RRBP1: variants seen among roughly 807,000 people sequenced by gnomAD.
RRBP1 encodes ribosome binding protein 1.
Under a neutral mutation model 165.2 loss-of-function variants are expected in RRBP1, and 94 were observed. The ratio of observed to expected loss-of-function variants is 0.57; its 90% CI spans 0.48 to 0.68. The LOEUF (loss-of-function observed/expected upper bound fraction) is 0.68, where lower values mean the gene tolerates loss of function less well. RRBP1 is among the 30% of genes least tolerant of loss of function. RRBP1 has a pLI of 0.00. For missense variants in RRBP1, 1,676 were observed against 1,763.0 expected, an observed-to-expected ratio of 0.95 and a Z score of 0.88; for synonymous variants, 680 against 714.5, an observed-to-expected ratio of 0.95 and a Z score of 0.77.
intron 5 of RRBP1, 61 bp downstream of exon 5, chr20:17,641,736 G>C: frequency 1.3e-6 from 2 of 1,597,770 alleles, no homozygotes; most frequent in Non-Finnish European, 1.7e-6. Flanking sequence ...ACCGTGGATG[G>C]GGCGGGGGTC....
chr20:17,624,871 G>A (rs1479203961), intron 12 of RRBP1, among the ~76,000 whole-genome samples: 1 of 152,238 alleles, frequency 6.6e-6, no homozygotes, highest in Non-Finnish European at 1.5e-5. Flanking sequence ...CCAGAGGCGG[G>A]CAGCATGGCA....
At chr20:17,626,710 T>C (rs555827384) in intron 11 of RRBP1, among the ~76,000 whole-genome samples, 1 of 152,244 alleles carries the variant, frequency 6.6e-6, no homozygotes, top group Admixed American at 6.5e-5. Context: ...GCCCCAGAAG[T>C]GATGGTCACA....
In RRBP1 at chr20:17,627,257, G is replaced by A. The variant is rs11908682; in HGVS notation, c.2963+91C>T. The A allele has an allele frequency of 7.7e-5, 104 of 1,347,622 alleles. No homozygotes were observed. In the African/African-American group the frequency reaches 1.3e-3, roughly 17 times the overall value. 83.5% of individuals were successfully genotyped at this position (1,347,622 alleles called of 1,614,324 possible). A position where few individuals can be genotyped will look rare whatever the true frequency, so the allele number is the denominator to read the frequency against. On this transcript the variant is annotated intron_variant, in intron 11 of 24. Coordinates refer to ENST00000377813, the MANE Select transcript of RRBP1 (RefSeq NM_001365613.2). Reference sequence around the variant, plus strand: ...AAAGGGGCTCTTCTGCAGAGGACCTGAGCACCCTCCTGAAAACCCTGGCCC... The same window carrying A: ...AAAGGGGCTCTTCTGCAGAGGACCTAAGCACCCTCCTGAAAACCCTGGCCC...
chr20:17,660,205 C>A lies in RRBP1; in HGVS notation c.303G>T (p.Arg101=), dbSNP rs1194920553. 6.2e-7 allele frequency: 1 copy of A among 1,613,804 alleles called. No homozygotes were observed. Among genetic ancestry groups the A allele is most frequent in the African/African-American group, 1.3e-5 (1 of 74,906 alleles). Residue 101 remains arginine, a synonymous_variant, in exon 3 of 25, where the codon CGG becomes CGT. Transcript: ENST00000377813. ...NVTVLLREPV[R]APAVAVAPTP... The stretch of plus-strand genomic sequence containing the variant: ...TTGGAGCCACAGCCACAGCAGGAGC[C>A]CGCACTGGTTCTCGAAGGAGGACAG...
intron 5 of RRBP1, among the ~76,000 whole-genome samples, chr20:17,639,764 T>C (rs549868475): frequency 6.6e-6 from 1 of 152,128 alleles, no homozygotes; most frequent in South Asian, 2.1e-4. Flanking sequence ...ATGGTGGCGC[T>C]TGCCTGTAAT....
In RRBP1 at chr20:17,621,875, G is replaced by T; in HGVS notation, c.3220C>A (p.Leu1074Ile). Residue 1074 changes from leucine to isoleucine, a missense_variant, in exon 14 of 25, where the codon CTC (leucine) becomes ATC (isoleucine). Physicochemically the swap from Leu to Ile is conservative, Grantham distance 5. This residue lies in a region of RRBP1 where 1,184 missense variants were observed against 1,167.1 expected (regional missense o/e 1.01). Transcript: ENST00000377813. ...MEALLALLPE[L>I]SVLAQQNYTE... is the part of the protein sequence containing the mutation. ...CCTACCTGTTGTGCCAAGACAGAGAGTTCTGGGAGCAGAGCCAGCAGGGCC... is the reference window on the plus strand; with the variant it reads ...CCTACCTGTTGTGCCAAGACAGAGATTTCTGGGAGCAGAGCCAGCAGGGCC... 6.2e-7 allele frequency: 1 copy of T among 1,613,916 alleles called. No homozygotes were observed. The highest frequency in any genetic ancestry group is 8.5e-7 in the Non-Finnish European group (1 of 1,179,978).
chr20:17,632,138 C>T (rs987689927), intron 8 of RRBP1, among the ~76,000 whole-genome samples: 5 of 152,288 alleles, frequency 3.3e-5, no homozygotes, highest in Admixed American at 2.6e-4. Flanking sequence ...GACCTGAACC[C>T]GACAGCTGGC....
In RRBP1 at chr20:17,616,014, GC is replaced by G. The variant is rs1422812600; in HGVS notation, c.3868-6del. 1 of 1,602,620 alleles carries G rather than the reference GC, an allele frequency of 6.2e-7. No homozygotes were observed. ...CCACTCCAGCTGCGTCTTCAGCTGT[GC>G]AAACACCGCAAACATAACCCGGCAG... On this transcript the variant is annotated splice_region_variant and splice_polypyrimidine_tract_variant and intron_variant, in intron 21 of 24. Transcript: ENST00000377813.
chr20:17,639,416 T>C (rs1461469063), intron 5 of RRBP1, among the ~76,000 whole-genome samples: 1 of 152,192 alleles, frequency 6.6e-6, no homozygotes, highest in Admixed American at 6.5e-5. Context: ...TTTTCAACTA[T>C]AAAAACTTCT....
At chr20:17,664,587 T>C (rs942113022) in intron 2 of RRBP1, among the ~76,000 whole-genome samples, 5 of 152,234 alleles carry the variant, frequency 3.3e-5, no homozygotes, top group African/African-American at 1.2e-4. Context: ...CTTCTGTTCT[T>C]AAGATTCGGG....
intron 12 of RRBP1, 132 bp downstream of exon 12, chr20:17,625,380 G>T: frequency 1.3e-6 from 1 of 765,214 alleles, no homozygotes; most frequent in Non-Finnish European, 2.2e-6. Context: ...GACCCCCACA[G>T]CACAATGGGG....
intron 4 of RRBP1, among the ~76,000 whole-genome samples, chr20:17,642,183 T>C (rs887673158): frequency 6.6e-6 from 1 of 152,222 alleles, no homozygotes; most frequent in Admixed American, 6.5e-5. Context: ...GAGTGTGGTG[T>C]TGCCAGCTCC....
In RRBP1 at chr20:17,618,591, C is replaced by T; in HGVS notation, c.3759+5G>A. On this transcript the variant is annotated splice_donor_5th_base_variant and intron_variant, in intron 20 of 24. Coordinates refer to ENST00000377813, the MANE Select transcript of RRBP1 (RefSeq NM_001365613.2). Reference sequence around the variant, plus strand: ...TCCTGGCATGGGGACATGGAGGCCACCTACCAGGGCAAGCTCATCGCTCTG... The same window carrying T: ...TCCTGGCATGGGGACATGGAGGCCATCTACCAGGGCAAGCTCATCGCTCTG... The T allele has an allele frequency of 6.2e-7, 1 of 1,613,116 alleles. No homozygotes were observed. Among genetic ancestry groups the T allele is most frequent in the Non-Finnish European group, 8.5e-7 (1 of 1,179,278 alleles).
intron 9 of RRBP1, among the ~76,000 whole-genome samples, chr20:17,629,233 C>T (rs773544818): frequency 6.6e-6 from 1 of 152,190 alleles, no homozygotes; most frequent in African/African-American, 2.4e-5. Context: ...GGGAGGGGCT[C>T]GGGAAGCGCC....
At chr20:17,619,432 C>T in intron 19 of RRBP1, 1 of 467,028 alleles carries the variant, frequency 2.1e-6, no homozygotes. Flanking sequence ...TGGGAGGCTG[C>T]CTTTTTGAAA....
intron 8 of RRBP1, among the ~76,000 whole-genome samples, chr20:17,630,762 A>G (rs1268607865): frequency 6.6e-6 from 1 of 152,240 alleles, no homozygotes; most frequent in Admixed American, 6.5e-5. Context: ...CCGACCACTG[A>G]TTATTCATTA....
At chr20:17,674,599 T>C (rs2037039476) in intron 2 of RRBP1, among the ~76,000 whole-genome samples, 1 of 150,910 alleles carries the variant, frequency 6.6e-6, no homozygotes, top group South Asian at 2.1e-4. Context: ...CCGTCTCTAC[T>C]AAAAAAAATA....
At chr20:17,630,830 T>G (rs567996656) in intron 8 of RRBP1, among the ~76,000 whole-genome samples, 4 of 152,252 alleles carry the variant, frequency 2.6e-5, no homozygotes, top group Non-Finnish European at 4.4e-5. Flanking sequence ...GACTGCTGTT[T>G]GAATAAGAGG....
intron 3 of RRBP1, among the ~76,000 whole-genome samples, chr20:17,652,982 C>T (rs1349661813): frequency 6.6e-6 from 1 of 152,224 alleles, no homozygotes; most frequent in African/African-American, 2.4e-5. Flanking sequence ...CCCTCGGGCA[C>T]CACAGCTCAT....
Sources: allele counts gnomAD v4.1 joint callset (sites outside exome capture counted in the v4.1 genomes callset), GRCh38; gene constraint gnomAD v4.1.1; regional missense constraint gnomAD v4.1.1; transcripts MANE v1.5; gene names NCBI Gene and HGNC (gene_info 2026-07-23, HGNC 2026-07-21).